MYO16: variants seen among roughly 807,000 people sequenced by gnomAD.
The protein encoded by MYO16 is unconventional myosin-XVI.
In MYO16, 94 loss-of-function variants were observed where a neutral mutation model predicts 205.3. That is an observed-to-expected ratio of 0.46 (90% CI 0.39 to 0.54). MYO16 has a LOEUF of 0.54. Among genes scored for constraint, MYO16 ranks in the 20% least tolerant of loss-of-function variants. The pLI, the probability that MYO16 is intolerant of heterozygous loss-of-function variation, is 0.00. For synonymous variants in MYO16, 988 were observed against 954.0 expected, an observed-to-expected ratio of 1.04 and a Z score of -0.66; for missense variants, 2,315 against 2,387.5, an observed-to-expected ratio of 0.97 and a Z score of 0.63.
chr13:108,665,179 G>A (rs761252427), intron 1 of MYO16, among the ~76,000 whole-genome samples: 1 of 152,126 alleles, frequency 6.6e-6, no homozygotes, highest in Non-Finnish European at 1.5e-5. Context: ...TTAAACTCCT[G>A]GGCTTATGCG....
At chr13:109,135,396 C>T (rs1876725980) in intron 31 of MYO16, among the ~76,000 whole-genome samples, 5 of 152,144 alleles carry the variant, frequency 3.3e-5, no homozygotes, top group Admixed American at 2.6e-4. Context: ...ATCTTGGTTC[C>T]CCACTTTTTG....
intron 28 of MYO16, among the ~76,000 whole-genome samples, chr13:109,112,917 A>G (rs1039112489): frequency 3.3e-5 from 5 of 152,176 alleles, no homozygotes; most frequent in African/African-American, 9.7e-5. Context: ...TACTTTTCCA[A>G]CATTATCTGA....
intron 1 of MYO16, among the ~76,000 whole-genome samples, chr13:108,638,826 A>G (rs1880373311): frequency 6.6e-6 from 1 of 152,150 alleles, no homozygotes; most frequent in Admixed American, 6.6e-5. Flanking sequence ...AAGACAGGGA[A>G]AGGCACCCAG....
rs1263682078 is a variant in MYO16, at chr13:109,055,731, A to G, written c.3335+136A>G. The G allele has an allele frequency of 8.6e-6, 6 of 696,604 alleles. No homozygotes were observed. Among genetic ancestry groups the G allele is most frequent in the East Asian group, 2.6e-5 (1 of 38,994 alleles). 43.2% of individuals were successfully genotyped at this position (696,604 alleles called of 1,614,324 possible). ...TGTTGTTTACTTTTTTCTATCTCCA[A>G]TAAACAAAATATTCTGGGAAACAAT... On this transcript the variant is annotated intron_variant, in intron 27 of 34. Coordinates refer to ENST00000457511, the MANE Select transcript of MYO16 (RefSeq NM_001198950.3). This position sits in a 1 kb window ranked among gnomAD's most constrained non-coding sequence, Gnocchi z 5.0.
chr13:108,768,179 C>T (rs749634869), intron 4 of MYO16, among the ~76,000 whole-genome samples: 3 of 152,132 alleles, frequency 2.0e-5, no homozygotes, highest in East Asian at 3.9e-4. Flanking sequence ...CCTCTCTGTC[C>T]GTTTGAATCT....
At position 108,712,747 on chromosome 13, in the gene MYO16, G is replaced by C; in HGVS notation, c.363+16G>C. Reference sequence around the variant, plus strand: ...GCTCCATCTGGTAAGAACCGCGACAGTCAGTGCCAGTGCATGGGGACACCC... The same window carrying C: ...GCTCCATCTGGTAAGAACCGCGACACTCAGTGCCAGTGCATGGGGACACCC... On this transcript the variant is annotated intron_variant, in intron 3 of 34. Transcript: ENST00000457511. 1 of 1,606,912 alleles carries C rather than the reference G, an allele frequency of 6.2e-7. No homozygotes were observed. Among genetic ancestry groups the C allele is most frequent in the Non-Finnish European group, 8.5e-7 (1 of 1,176,188 alleles).
At chr13:108,646,291 T>G (rs1464486235) in intron 1 of MYO16, among the ~76,000 whole-genome samples, 1 of 152,208 alleles carries the variant, frequency 6.6e-6, no homozygotes, top group African/African-American at 2.4e-5. Context: ...AATTAATTTT[T>G]AACACATGAC....
At chr13:109,081,055 C>T (rs1367656) in intron 27 of MYO16, among the ~76,000 whole-genome samples, 83,363 of 151,818 alleles carry the variant, frequency 0.55, 23,270 homozygotes, top group Non-Finnish European at 0.6. Context: ...TATGTAAACA[C>T]ATATTTTATT....
In MYO16 at chr13:108,613,738, GC is replaced by G. The variant is rs1292567103; in HGVS notation, c.-39+17500del. On this transcript the variant is annotated intron_variant, in intron 1 of 24. Transcript: ENST00000251041. ...TGAATATAATATATCATATTAACAGGCAAAGTATTACAAAAGACAAATTAAT... is the reference window on the plus strand; with the variant it reads ...TGAATATAATATATCATATTAACAGGAAAGTATTACAAAAGACAAATTAAT... Among the ~76,000 whole-genome samples, 5 of 152,094 alleles carry G rather than the reference GC, an allele frequency of 3.3e-5. No individual in the cohort carries two copies. The East Asian group carries it at 7.7e-4, about 24-fold the overall frequency.
chr13:108,874,250 C>A (rs1048168764), intron 12 of MYO16, among the ~76,000 whole-genome samples: 2 of 151,574 alleles, frequency 1.3e-5, no homozygotes, highest in African/African-American at 4.8e-5. Flanking sequence ...GTGATCGGGG[C>A]AAATCTTAAA....
At chr13:108,556,670 C>A in the MYO16 span, among the ~76,000 whole-genome samples, 1 of 152,034 alleles carries the variant, frequency 6.6e-6, no homozygotes, top group Admixed American at 6.6e-5. Context: ...GCCTTTCTGG[C>A]CTCTGAGTTT....
At chr13:108,649,879 A>G (rs1198056881) in intron 1 of MYO16, among the ~76,000 whole-genome samples, 1 of 152,216 alleles carries the variant, frequency 6.6e-6, no homozygotes, top group Non-Finnish European at 1.5e-5. Flanking sequence ...TTTCATCTGA[A>G]TGTGTCTTAG....
In MYO16 at chr13:108,714,223, T is replaced by A. The variant is rs572115393; in HGVS notation, c.363+1492T>A. ...GGCACCCGCCATCACGCCCAGCGAA[T>A]TTTTTGTATTTTTAGTAGAGATGGG... On this transcript the variant is annotated intron_variant, in intron 3 of 34. Transcript: ENST00000457511. Among the ~76,000 whole-genome samples the A allele has an allele frequency of 6.6e-5, 10 of 152,184 alleles. No homozygotes were observed. In the South Asian group the frequency reaches 1.5e-3, roughly 22 times the overall value.
At chr13:108,924,288 C>T (rs903530561) in intron 16 of MYO16, among the ~76,000 whole-genome samples, 1 of 152,134 alleles carries the variant, frequency 6.6e-6, no homozygotes, top group African/African-American at 2.4e-5. Context: ...CCTGGGACTC[C>T]AATCTAAACG....
intron 16 of MYO16, among the ~76,000 whole-genome samples, chr13:108,922,824 A>C (rs920075918): frequency 6.6e-6 from 1 of 152,240 alleles, no homozygotes; most frequent in Non-Finnish European, 1.5e-5. Context: ...AATACTTTAA[A>C]TCATGTAATT....
chr13:108,659,292 T>A lies in MYO16; in HGVS notation c.29-6594T>A. The A allele has an allele frequency of 1.4e-5, 3 of 210,580 alleles. No individual in the cohort carries two copies. The South Asian group carries it at 2.4e-4, about 17-fold the overall frequency. The allele number at this position is 210,580 out of a possible 1,614,324, so 13.0% of individuals were successfully genotyped here. ...TCATATATATGATAGTATACATATA[T>A]ATCATATTATATACATATATAATAC... is the stretch of plus-strand genomic sequence containing the variant. On this transcript the variant is annotated intron_variant, in intron 1 of 34. Coordinates refer to ENST00000457511, the MANE Select transcript of MYO16 (RefSeq NM_001198950.3).
Position 108,712,642 on chromosome 13 carries a change from T to C in MYO16, c.293-19T>C. ...AGAAGGACTCTCTGTAACTCCATTC[T>C]CCTCTCTGTTGTTTTCAGTGCTTCG... On this transcript the variant is annotated intron_variant, in intron 2 of 34. Coordinates refer to ENST00000457511, the MANE Select transcript of MYO16 (RefSeq NM_001198950.3). 6.2e-7 allele frequency: 1 copy of C among 1,611,136 alleles called. No individual in the cohort carries two copies. The highest frequency in any genetic ancestry group is 8.5e-7 in the Non-Finnish European group (1 of 1,177,242).
intron 28 of MYO16, among the ~76,000 whole-genome samples, chr13:109,110,410 A>G (rs533452067): frequency 1.3e-5 from 2 of 152,356 alleles, no homozygotes; most frequent in East Asian, 1.9e-4. Flanking sequence ...ACTGCCTGCT[A>G]TGCAGGTCAT....
chr13:108,657,318 C>T (rs1352637024), intron 1 of MYO16, among the ~76,000 whole-genome samples: 1 of 152,108 alleles, frequency 6.6e-6, no homozygotes, highest in Non-Finnish European at 1.5e-5. Flanking sequence ...CTACCAAAGC[C>T]ACAGTTAGGA....
Sources: allele counts gnomAD v4.1 joint callset (sites outside exome capture counted in the v4.1 genomes callset), GRCh38; gene constraint gnomAD v4.1.1; non-coding constraint Gnocchi (gnomAD v3.1); transcripts MANE v1.5; gene names NCBI Gene and HGNC (gene_info 2026-07-23, HGNC 2026-07-21).